The following ADAM10 variants were observed in gnomAD, a reference collection of about 807,000 sequenced individuals.
The protein encoded by ADAM10 is ADAM metallopeptidase domain 10, also known as disintegrin and metalloproteinase domain-containing protein 10.
ADAM10 carries 17 observed loss-of-function variants against 90.1 expected under a neutral mutation model. The ratio of observed to expected loss-of-function variants is 0.19; its 90% CI spans 0.13 to 0.28. ADAM10 has a LOEUF of 0.28. Ranked by LOEUF, ADAM10 falls within the 10% of genes least tolerant of loss-of-function variation. The pLI, the probability that ADAM10 is intolerant of heterozygous loss-of-function variation, is 1.00. For synonymous variants in ADAM10, 310 were observed against 298.6 expected (o/e 1.04, Z -0.40); for missense variants, 610 against 914.3 (o/e 0.67, Z 4.29).
Position 58,590,934 on chromosome 15 carries a change from A to AT in ADAM10, c.*6612dup, listed in dbSNP as rs1268852814. On this transcript the variant is annotated 3_prime_UTR_variant, in exon 16 of 16. Transcript: ENST00000260408. ...TACACTGAGAACAAACAACTACAGA[A>AT]TATCTTTTTAAAGATCTATTTCCAC... 3.3e-5 allele frequency: 5 copies of AT among 152,208 alleles called. No individual in the cohort carries two copies. Among genetic ancestry groups the AT allele is most frequent in the African/African-American group, 1.2e-4 (5 of 41,464 alleles). The allele number at this position is 152,208 out of a possible 1,614,324, so 9.4% of individuals were successfully genotyped here.
intron 14 of ADAM10, among the ~76,000 whole-genome samples, chr15:58,604,176 A>C (rs937150087): frequency 1.3e-5 from 2 of 152,104 alleles, no homozygotes; most frequent in Non-Finnish European, 2.9e-5. Context: ...AGCCTGGCCA[A>C]CATGGTGAAA....
intron 2 of ADAM10, among the ~76,000 whole-genome samples, chr15:58,710,776 T>G (rs998271358): frequency 1.2e-4 from 19 of 152,204 alleles, no homozygotes; most frequent in Non-Finnish European, 1.5e-5. Context: ...CCATTCAAAT[T>G]TATTCCCTAG....
intron 5 of ADAM10, among the ~76,000 whole-genome samples, chr15:58,659,708 C>G (rs1166571826): frequency 6.6e-6 from 1 of 152,126 alleles, no homozygotes; most frequent in East Asian, 1.9e-4. Context: ...TAACACTGCC[C>G]TCATAAAATG....
intron 14 of ADAM10, among the ~76,000 whole-genome samples, chr15:58,601,567 T>C (rs1455623365): frequency 6.6e-6 from 1 of 151,788 alleles, no homozygotes; most frequent in Non-Finnish European, 1.5e-5. Flanking sequence ...TTTTAGCATA[T>C]AATTTCTACA....
In ADAM10 at chr15:58,610,701, T is replaced by A. The variant is rs374541667; in HGVS notation, c.1805-184A>T. 3 of 691,168 alleles carry A rather than the reference T, an allele frequency of 4.3e-6. No homozygotes were observed. In the African/African-American group the frequency reaches 5.3e-5, roughly 12 times the overall value. 42.8% of individuals were successfully genotyped at this position (691,168 alleles called of 1,614,324 possible). ...GTAATTCATATTAAATGTTACAATG[T>A]AAACAAGCAACCAGCAAGTCTTGAC... is the stretch of plus-strand genomic sequence containing the variant. On this transcript the variant is annotated intron_variant, in intron 13 of 15. Transcript: ENST00000260408.
At chr15:58,726,567 C>CAAAAAAAAAAAAA (rs71116593) in intron 1 of ADAM10, among the ~76,000 whole-genome samples, 5 of 20,778 alleles carry the variant, frequency 2.4e-4, no homozygotes, top group Non-Finnish European at 3.7e-4. Flanking sequence ...CTCAGTCTCC[C>CAAAAAAAAAAAAA]AAAAAAAAAA....
At chr15:58,746,680 G>A (rs7177823) in intron 1 of ADAM10, among the ~76,000 whole-genome samples, 5,979 of 152,246 alleles carry the variant, frequency 0.039, 299 homozygotes, top group African/African-American at 0.11. Flanking sequence ...GGAAGCCAAG[G>A]TAGGTGGGTC....
chr15:58,603,864 GGGGTCCA>G (rs1407460346), intron 14 of ADAM10, among the ~76,000 whole-genome samples: 3 of 143,894 alleles, frequency 2.1e-5, no homozygotes, highest in Non-Finnish European at 4.5e-5. Flanking sequence ...AGAAAGATTG[GGGGTCCA>G]GGGTTAAAAA....
chr15:58,656,657 T>C (rs1329215785), intron 5 of ADAM10, among the ~76,000 whole-genome samples: 1 of 152,146 alleles, frequency 6.6e-6, no homozygotes, highest in Non-Finnish European at 1.5e-5. Flanking sequence ...TCATGCCTTA[T>C]TGTAGTGTCT....
At chr15:58,691,486 C>CTG in intron 2 of ADAM10, 1 of 616,726 alleles carries the variant, frequency 1.6e-6, no homozygotes, top group South Asian at 1.4e-5. Context: ...GACACATACT[C>CTG]TGACAGAGAT....
chr15:58,639,841 A>C (rs955431078), intron 8 of ADAM10, among the ~76,000 whole-genome samples: 2 of 152,126 alleles, frequency 1.3e-5, no homozygotes, highest in East Asian at 1.9e-4. Context: ...GAATAAACTA[A>C]TAAGAATAGG....
intron 2 of ADAM10, among the ~76,000 whole-genome samples, chr15:58,702,819 C>G (rs1367125571): frequency 1.3e-5 from 2 of 152,014 alleles, no homozygotes; most frequent in African/African-American, 4.8e-5. Context: ...CATACATGAA[C>G]AGAAGAAGGA....
rs532341027 is a variant in ADAM10, at chr15:58,659,991, G to A, written c.585+5106C>T. Among the ~76,000 whole-genome samples, 9 of 152,270 alleles carry A rather than the reference G, an allele frequency of 5.9e-5. No homozygotes were observed. In the East Asian group the frequency reaches 1.7e-3, roughly 29 times the overall value. The stretch of plus-strand genomic sequence containing the variant: ...GATCCGCCTGCCTCGGCCTCCCAAA[G>A]TGCTGGGATTACAGGTGTGAGCCAA... On this transcript the variant is annotated intron_variant, in intron 5 of 15. Coordinates refer to ENST00000260408, the MANE Select transcript of ADAM10 (RefSeq NM_001110.4).
chr15:58,713,687 T>C (rs1337593496), intron 2 of ADAM10, among the ~76,000 whole-genome samples: 1 of 152,220 alleles, frequency 6.6e-6, no homozygotes, highest in Non-Finnish European at 1.5e-5. Flanking sequence ...TCAAAACAGT[T>C]TAATCTTCTA....
Position 58,589,972 on chromosome 15 carries a change from A to G in ADAM10, c.*7575T>C, listed in dbSNP as rs1447486794. 2 of 152,214 alleles carry G rather than the reference A, an allele frequency of 1.3e-5. No homozygotes were observed. Among genetic ancestry groups the G allele is most frequent in the Non-Finnish European group, 2.9e-5 (2 of 68,052 alleles). 9.4% of individuals were successfully genotyped at this position (152,214 alleles called of 1,614,324 possible). A position where few individuals can be genotyped will look rare whatever the true frequency, so the allele number is the denominator to read the frequency against. ...AATGCAAAGCAAAAAATGAAAAAAC[A>G]TTTAAAAAAATAAAGGAATCTGAAT... On this transcript the variant is annotated 3_prime_UTR_variant, in exon 16 of 16. Transcript: ENST00000260408.
At chr15:58,691,676 C>CTTCTTTTTT (rs746349800) in intron 2 of ADAM10, 6 of 231,882 alleles carry the variant, frequency 2.6e-5, no homozygotes, top group African/African-American at 2.2e-4. Flanking sequence ...ACTTCTTCTT[C>CTTCTTTTTT]TTTTTTTTTT....
intron 2 of ADAM10, among the ~76,000 whole-genome samples, chr15:58,714,961 G>A (rs1228507339): frequency 2.6e-5 from 4 of 152,130 alleles, no homozygotes; most frequent in Non-Finnish European, 5.9e-5. Context: ...ACATTTTTAA[G>A]TAAAGTATTT....
chr15:58,717,334 C>T (rs1440422865), intron 2 of ADAM10, among the ~76,000 whole-genome samples: 1 of 152,142 alleles, frequency 6.6e-6, no homozygotes, highest in Non-Finnish European at 1.5e-5. Flanking sequence ...ATATCTTTTA[C>T]TAATGTAAGA....
chr15:58,693,163 ACCTCCC>A (rs1409715594), intron 2 of ADAM10: 1 of 728,566 alleles, frequency 1.4e-6, no homozygotes, highest in Admixed American at 1.7e-5. Flanking sequence ...AAAAGTCGCC[ACCTCCC>A]CTTCTCCATG....
Sources: allele counts gnomAD v4.1 joint callset (sites outside exome capture counted in the v4.1 genomes callset), GRCh38; gene constraint gnomAD v4.1.1; transcripts MANE v1.5; gene names NCBI Gene and HGNC (gene_info 2026-07-23, HGNC 2026-07-21).